GRIK4: variants seen among roughly 807,000 people sequenced by gnomAD.
GRIK4 encodes glutamate ionotropic receptor kainate type subunit 4.
GRIK4 carries 40 observed loss-of-function variants against 104.9 expected under a neutral mutation model. The observed-to-expected ratio is 0.38, with a 90% CI of 0.30 to 0.50. The LOEUF (loss-of-function observed/expected upper bound fraction) is 0.50, where lower values mean the gene tolerates loss of function less well. GRIK4 is among the 20% of genes least tolerant of loss of function. The pLI, the probability that GRIK4 is intolerant of heterozygous loss-of-function variation, is 0.93. For missense variants in GRIK4, 1,047 were observed against 1,308.1 expected (o/e 0.80, Z 3.08); for synonymous variants, 485 against 524.9 (o/e 0.92, Z 1.04).
intron 3 of GRIK4, among the ~76,000 whole-genome samples, chr11:120,732,051 T>C (rs577682858): frequency 6.6e-6 from 1 of 152,338 alleles, no homozygotes; most frequent in Middle Eastern, 3.4e-3. Context: ...TCCATTTATA[T>C]GTGCTCTGAT....
At chr11:120,962,416 C>A in intron 17 of GRIK4, 40 bp from the exon 18 acceptor site, 1 of 1,432,260 alleles carries the variant, frequency 7.0e-7, no homozygotes, top group Non-Finnish European at 9.7e-7. Context: ...ACGTTTCCTT[C>A]CTCTTTTCCC....
intron 1 of GRIK4, among the ~76,000 whole-genome samples, chr11:120,595,982 G>T (rs946952158): frequency 2.0e-5 from 3 of 152,202 alleles, no homozygotes; most frequent in African/African-American, 7.2e-5. Flanking sequence ...GAGTAGCTGG[G>T]ATTACAGGCG....
At chr11:120,782,653 C>T (rs1165421666) in intron 3 of GRIK4, among the ~76,000 whole-genome samples, 3 of 152,080 alleles carry the variant, frequency 2.0e-5, no homozygotes, top group South Asian at 2.1e-4. Flanking sequence ...TGAAGCAGCC[C>T]CGTCAAAGGG....
At chr11:120,666,494 G>A (rs1011046976) in intron 3 of GRIK4, among the ~76,000 whole-genome samples, 3 of 152,238 alleles carry the variant, frequency 2.0e-5, no homozygotes, top group African/African-American at 7.2e-5. Flanking sequence ...ATAGGTAATG[G>A]CAGTGAGCGT....
intron 1 of GRIK4, among the ~76,000 whole-genome samples, chr11:120,597,463 C>T (rs190231184): frequency 2.2e-4 from 34 of 152,330 alleles, no homozygotes; most frequent in African/African-American, 7.7e-4. Context: ...AAGATCTGAC[C>T]TGTTCTCTGA....
At chr11:120,708,625 G>A (rs1950669167) in intron 3 of GRIK4, among the ~76,000 whole-genome samples, 1 of 152,156 alleles carries the variant, frequency 6.6e-6, no homozygotes, top group Non-Finnish European at 1.5e-5. Context: ...GAACGTGAAC[G>A]GGCTCCAGAG....
intron 11 of GRIK4, among the ~76,000 whole-genome samples, chr11:120,881,358 A>C (rs1334952118): frequency 6.6e-6 from 1 of 152,116 alleles, no homozygotes. Flanking sequence ...GAACTTTTCT[A>C]GAAATTAGAC....
At chr11:120,861,908 AC>A in intron 8 of GRIK4, 50 bp from the exon 9 acceptor site, 1 of 1,418,330 alleles carries the variant, frequency 7.1e-7, no homozygotes, top group Non-Finnish European at 9.9e-7. Flanking sequence ...TCCATCCCTC[AC>A]TTCACCCCTT....
intron 1 of GRIK4, among the ~76,000 whole-genome samples, chr11:120,543,569 C>T (rs1328096787): frequency 6.6e-6 from 1 of 152,072 alleles, no homozygotes; most frequent in Non-Finnish European, 1.5e-5. Context: ...AGTGAGACTC[C>T]ATCTCAAAAG....
chr11:120,961,269 G>A lies in GRIK4; in HGVS notation c.2040+195G>A, dbSNP rs111659513. Among the ~76,000 whole-genome samples, 874 of 152,266 alleles carry A rather than the reference G, an allele frequency of 5.7e-3. 15 individuals are homozygous for A. Among genetic ancestry groups the A allele is most frequent in the African/African-American group, 0.018 (734 of 41,548 alleles). ...GAATGAGGTCCCAAAAGAACTTTGC[G>A]TTAATATCAGCCGGTGCCAGAGTGG... is the stretch of plus-strand genomic sequence containing the variant. On this transcript the variant is annotated intron_variant, in intron 17 of 20. Transcript: ENST00000527524.
intron 1 of GRIK4, among the ~76,000 whole-genome samples, chr11:120,550,024 G>A (rs1948123812): frequency 6.6e-6 from 1 of 152,140 alleles, no homozygotes. Context: ...AAAGGAATTT[G>A]AGCAGAGGGA....
intron 2 of GRIK4, among the ~76,000 whole-genome samples, chr11:120,660,016 G>A (rs1949784312): frequency 6.6e-6 from 1 of 152,220 alleles, no homozygotes; most frequent in African/African-American, 2.4e-5. Context: ...ACAGGCGTGA[G>A]CCACTGTGCC....
At chr11:120,818,300 G>A (rs1233443668) in intron 5 of GRIK4, among the ~76,000 whole-genome samples, 1 of 152,236 alleles carries the variant, frequency 6.6e-6, no homozygotes, top group African/African-American at 2.4e-5. Flanking sequence ...CCCTGCCCCT[G>A]TCGGGCCTTC....
At chr11:120,884,646 T>C (rs1955067263) in intron 11 of GRIK4, among the ~76,000 whole-genome samples, 1 of 152,238 alleles carries the variant, frequency 6.6e-6, no homozygotes, top group African/African-American at 2.4e-5. Flanking sequence ...GCTCTGGTTT[T>C]GTGTGAAGCT....
chr11:120,866,243 C>T (rs1415466798), intron 9 of GRIK4, among the ~76,000 whole-genome samples: 1 of 152,204 alleles, frequency 6.6e-6, no homozygotes, highest in Non-Finnish European at 1.5e-5. Flanking sequence ...GGTTCACCTC[C>T]ACCTCTGGGA....
intron 8 of GRIK4, among the ~76,000 whole-genome samples, chr11:120,837,242 C>G (rs2135574975): frequency 6.6e-6 from 1 of 152,156 alleles, no homozygotes; most frequent in East Asian, 1.9e-4. Flanking sequence ...CTCTGAGATC[C>G]TTGTTCTTTT....
chr11:120,668,713 G>A (rs1183500135), intron 3 of GRIK4, among the ~76,000 whole-genome samples: 1 of 152,196 alleles, frequency 6.6e-6, no homozygotes, highest in Admixed American at 6.5e-5. Context: ...GGAGGCTCTA[G>A]CACAGTGCAC....
intron 1 of GRIK4, among the ~76,000 whole-genome samples, chr11:120,642,361 C>T (rs923254262): frequency 6.6e-6 from 1 of 152,094 alleles, no homozygotes; most frequent in Non-Finnish European, 1.5e-5. Flanking sequence ...CAAAACAGGT[C>T]ACTGAGCCAG....
At chr11:120,737,883 A>G (rs376758387) in intron 3 of GRIK4, among the ~76,000 whole-genome samples, 1 of 152,166 alleles carries the variant, frequency 6.6e-6, no homozygotes, top group African/African-American at 2.4e-5. Flanking sequence ...TAAACCATTT[A>G]TATTGTGTGT....
Sources: gnomAD v4.1 joint callset for allele counts (sites outside exome capture counted in the v4.1 genomes callset) on GRCh38, gnomAD v4.1.1 for gene constraint, MANE v1.5 for transcripts, NCBI Gene and HGNC (gene_info 2026-07-23, HGNC 2026-07-21) for gene names.